SGCD: variants seen among roughly 807,000 people sequenced by gnomAD.
SGCD encodes the protein delta-sarcoglycan.
A neutral mutation model predicts 36.6 loss-of-function variants in SGCD; 18 were observed. The observed-to-expected ratio is 0.49, with a 90% CI of 0.34 to 0.73. The LOEUF is 0.73. SGCD is among the 30% of genes least tolerant of loss of function. The pLI is 0.01. For synonymous variants in SGCD, 133 were observed against 130.6 expected, an observed-to-expected ratio of 1.02 and a Z score of -0.12; for missense variants, 387 against 346.7, an observed-to-expected ratio of 1.12 and a Z score of -0.92.
intron 3 of SGCD, among the ~76,000 whole-genome samples, chr5:156,411,741 G>A (rs1772769177): frequency 6.6e-6 from 1 of 152,184 alleles, no homozygotes; most frequent in Non-Finnish European, 1.5e-5. Context: ...AGGTTTCAGT[G>A]TCCCCCAAAG....
intron 3 of SGCD, among the ~76,000 whole-genome samples, chr5:156,481,620 C>T (rs1200091510): frequency 6.6e-6 from 1 of 152,114 alleles, no homozygotes; most frequent in African/African-American, 2.4e-5. Flanking sequence ...TTCTTATCTG[C>T]ATCTATCAGA....
intron 1 of SGCD, among the ~76,000 whole-genome samples, chr5:156,037,053 G>A (rs574814531): frequency 6.6e-6 from 1 of 152,242 alleles, no homozygotes; most frequent in Non-Finnish European, 1.5e-5. Context: ...CTGAATGAGA[G>A]TTGTAGTGCT....
chr5:156,743,215 G>A (rs1239309913), intron 7 of SGCD, among the ~76,000 whole-genome samples: 4 of 150,138 alleles, frequency 2.7e-5, no homozygotes, highest in South Asian at 2.1e-4. Flanking sequence ...GGGTTCAAGC[G>A]ATTCTCCTGC....
intron 3 of SGCD, among the ~76,000 whole-genome samples, chr5:156,406,253 C>G (rs1772401343): frequency 6.6e-6 from 1 of 151,986 alleles, no homozygotes; most frequent in Non-Finnish European, 1.5e-5. Context: ...TGTTGTAATT[C>G]CTGGGCCATT....
chr5:155,807,437 C>T, the SGCD span, among the ~76,000 whole-genome samples: 6 of 152,206 alleles, frequency 3.9e-5, no homozygotes, highest in African/African-American at 9.6e-5. Flanking sequence ...TTAATTCCTC[C>T]AGTGCTCTGA....
intron 1 of SGCD, among the ~76,000 whole-genome samples, chr5:155,960,514 G>T (rs939111364): frequency 6.6e-6 from 1 of 152,026 alleles, no homozygotes; most frequent in Non-Finnish European, 1.5e-5. Context: ...AAAAACAGTA[G>T]AAGCCTAAAC....
At chr5:156,355,621 G>A (rs538460785) in intron 3 of SGCD, among the ~76,000 whole-genome samples, 1 of 152,200 alleles carries the variant, frequency 6.6e-6, no homozygotes, top group South Asian at 2.1e-4. Context: ...GATACATAAG[G>A]TCCAACACCC....
chr5:156,038,078 G>A (rs1759542699), intron 1 of SGCD, among the ~76,000 whole-genome samples: 1 of 152,168 alleles, frequency 6.6e-6, no homozygotes, highest in Admixed American at 6.5e-5. Context: ...ATCTGGTAGA[G>A]TGAAGATGGG....
At chr5:155,953,462 C>A (rs1280167190) in intron 1 of SGCD, among the ~76,000 whole-genome samples, 4 of 152,140 alleles carry the variant, frequency 2.6e-5, no homozygotes, top group Non-Finnish European at 5.9e-5. Flanking sequence ...AAACCATGGC[C>A]TGCAAAGCCT....
chr5:156,515,554 T>C (rs571025566), intron 4 of SGCD, among the ~76,000 whole-genome samples: 11 of 152,196 alleles, frequency 7.2e-5, no homozygotes, highest in African/African-American at 2.4e-4. Flanking sequence ...GCACAGGCAA[T>C]GGGGAGTTCC....
chr5:156,269,244 CAG>C (rs945181250), intron 3 of SGCD, among the ~76,000 whole-genome samples: 8 of 151,852 alleles, frequency 5.3e-5, no homozygotes, highest in African/African-American at 1.9e-4. Flanking sequence ...CCGAGACAGG[CAG>C]ATCACGAGGT....
intron 4 of SGCD, among the ~76,000 whole-genome samples, chr5:156,553,445 C>T (rs1272881999): frequency 6.6e-6 from 1 of 152,050 alleles, no homozygotes; most frequent in Non-Finnish European, 1.5e-5. Flanking sequence ...CCTGTTAATT[C>T]TTTTTTTTAA....
chr5:156,667,220 CAT>C (rs962787629), intron 7 of SGCD, among the ~76,000 whole-genome samples: 1 of 152,064 alleles, frequency 6.6e-6, no homozygotes, highest in African/African-American at 2.4e-5. Context: ...TCTGTATAAA[CAT>C]ATATATTGAA....
At chr5:155,933,899 C>T (rs1757145959) in intron 1 of SGCD, among the ~76,000 whole-genome samples, 1 of 152,172 alleles carries the variant, frequency 6.6e-6, no homozygotes, top group African/African-American at 2.4e-5. Flanking sequence ...GCAACAGAAC[C>T]TGTGTGAAAC....
chr5:155,880,409 T>A (rs1213383466), intron 1 of SGCD, among the ~76,000 whole-genome samples: 1 of 152,186 alleles, frequency 6.6e-6, no homozygotes, highest in Non-Finnish European at 1.5e-5. Context: ...TGAGTGAATG[T>A]TGCTTCCCAC....
chr5:155,835,002 A>T, the SGCD span, among the ~76,000 whole-genome samples: 8 of 60,174 alleles, frequency 1.3e-4, no homozygotes, highest in East Asian at 7.6e-4. Context: ...TGCCCAGCTA[A>T]TTTTTTTTTT....
At chr5:156,229,174 G>A (rs1036023107) in intron 3 of SGCD, among the ~76,000 whole-genome samples, 2 of 149,456 alleles carry the variant, frequency 1.3e-5, no homozygotes, top group Non-Finnish European at 3.0e-5. Context: ...GCCTGCAGGT[G>A]GCCTATTGTG....
At chr5:156,018,738 G>T (rs1236059117) in intron 1 of SGCD, among the ~76,000 whole-genome samples, 1 of 152,162 alleles carries the variant, frequency 6.6e-6, no homozygotes, top group Non-Finnish European at 1.5e-5. Flanking sequence ...GCTAAAATGT[G>T]CGTAATTTTG....
chr5:156,629,828 G>A (rs376577513), intron 6 of SGCD, among the ~76,000 whole-genome samples: 27 of 149,672 alleles, frequency 1.8e-4, no homozygotes, highest in African/African-American at 2.7e-4. Flanking sequence ...CCAGTCCCTG[G>A]TCTAGGCTCT....
Sources: allele counts gnomAD v4.1 joint callset (sites outside exome capture counted in the v4.1 genomes callset), GRCh38; gene constraint gnomAD v4.1.1; transcripts MANE v1.5; gene names NCBI Gene and HGNC (gene_info 2026-07-23, HGNC 2026-07-21).